Variants in KHDRBS1 observed in about 807,000 individuals in gnomAD.
The protein encoded by KHDRBS1 is KH domain-containing, RNA-binding, signal transduction-associated protein 1.
A neutral mutation model predicts 48.4 loss-of-function variants in KHDRBS1; 7 were observed. The observed-to-expected ratio is 0.14, with a 90% CI of 0.08 to 0.27. The LOEUF (loss-of-function observed/expected upper bound fraction) is 0.27, where lower values mean the gene tolerates loss of function less well. Ranked by LOEUF, KHDRBS1 falls within the 10% of genes least tolerant of loss-of-function variation. The pLI is 1.00. For synonymous variants in KHDRBS1, 241 were observed against 235.8 expected (o/e 1.02, Z -0.20); for missense variants, 458 against 601.2 (o/e 0.76, Z 2.49).
intron 4 of KHDRBS1, among the ~76,000 whole-genome samples, chr1:32,035,735 T>A (rs1639165297): frequency 6.6e-6 from 1 of 152,226 alleles, no homozygotes; most frequent in Admixed American, 6.5e-5. Flanking sequence ...CTTAAGTATC[T>A]GTCAGATGTC....
chr1:32,040,168 CTT>C (rs768992264), intron 8 of KHDRBS1, among the ~76,000 whole-genome samples: 3 of 152,254 alleles, frequency 2.0e-5, no homozygotes, highest in East Asian at 3.9e-4. Flanking sequence ...AATCCCAACA[CTT>C]TGCGAGGCCG....
At chr1:32,041,491 C>T (rs1178919011) in intron 8 of KHDRBS1, among the ~76,000 whole-genome samples, 1 of 151,890 alleles carries the variant, frequency 6.6e-6, no homozygotes, top group Admixed American at 6.6e-5. Flanking sequence ...TTTTCCCTGT[C>T]ACAAAGGAGA....
intron 1 of KHDRBS1, among the ~76,000 whole-genome samples, chr1:32,029,873 T>C (rs1010408292): frequency 2.0e-5 from 3 of 152,230 alleles, no homozygotes; most frequent in African/African-American, 7.2e-5. Context: ...AGAGTACTAA[T>C]GTCACCGTGG....
chr1:32,041,235 A>G lies in KHDRBS1; in HGVS notation c.1235-1292A>G, dbSNP rs61633377. Among the ~76,000 whole-genome samples the G allele has an allele frequency of 3.7e-3, 566 of 152,324 alleles. 7 individuals carry two copies. The highest frequency in any genetic ancestry group is 0.013 in the African/African-American group (555 of 41,572). ...AAAAGAAACTGTCTTGTTGATACCC[A>G]GAAGCCACTTGGAAAGTGATGGACA... On this transcript the variant is annotated intron_variant, in intron 8 of 8. Coordinates refer to ENST00000327300, the MANE Select transcript of KHDRBS1 (RefSeq NM_006559.3).
At chr1:32,022,592 A>T (rs938812487) in intron 1 of KHDRBS1, among the ~76,000 whole-genome samples, 16 of 152,226 alleles carry the variant, frequency 1.1e-4, no homozygotes, top group African/African-American at 3.9e-4. Context: ...TATGCAGGCC[A>T]TATCAAACGT....
chr1:32,019,423 G>A (rs1638811341), intron 1 of KHDRBS1, among the ~76,000 whole-genome samples: 1 of 152,110 alleles, frequency 6.6e-6, no homozygotes, highest in Non-Finnish European at 1.5e-5. Context: ...GGTGGCAGGT[G>A]CCTGTAATGC....
intron 10 of KHDRBS1, chr1:32,052,234 T>C (rs1305942560): frequency 1.3e-5 from 2 of 152,156 alleles, no homozygotes; most frequent in Admixed American, 6.5e-5. Flanking sequence ...GCAAAGTCTA[T>C]TCTCTGTGCT....
chr1:32,025,581 A>G (rs1054299372), intron 1 of KHDRBS1, among the ~76,000 whole-genome samples: 2 of 150,320 alleles, frequency 1.3e-5, no homozygotes, highest in Admixed American at 6.7e-5. Flanking sequence ...AATTACAGGC[A>G]TGAGCCACAG....
intron 10 of KHDRBS1, among the ~76,000 whole-genome samples, chr1:32,057,734 G>A (rs569371487): frequency 6.6e-6 from 1 of 151,446 alleles, no homozygotes; most frequent in South Asian, 2.1e-4. Context: ...GGGAGGCAGA[G>A]CTTGCAGTGA....
At position 32,014,037 on chromosome 1, in the gene KHDRBS1, T is replaced by G. The variant is rs752713376; in HGVS notation, c.42T>G (p.Ser14=). ...ACCCCGCCGCGCGCATGAGCCGGTC[T>G]TCGGGCCGTAGCGGCTCCATGGACC... ...RDDPAARMSR[S]SGRSGSMDPS... The change falls in exon 1 of 9, where the codon TCT becomes TCG. Residue 14 remains serine (S), a synonymous_variant. Coordinates refer to ENST00000327300, the MANE Select transcript of KHDRBS1 (RefSeq NM_006559.3). 3 of 1,525,050 alleles carry G rather than the reference T, an allele frequency of 2.0e-6. No individual in the cohort carries two copies. In the African/African-American group the frequency reaches 4.3e-5, roughly 22 times the overall value. The allele number at this position is 1,525,050 out of a possible 1,614,324, so 94.5% of individuals were successfully genotyped here.
chr1:32,021,832 G>A (rs890827840), intron 1 of KHDRBS1, among the ~76,000 whole-genome samples: 2 of 151,948 alleles, frequency 1.3e-5, no homozygotes, highest in African/African-American at 2.4e-5. Context: ...TGTATTTTTA[G>A]TAGAGACAAG....
chr1:32,051,910 T>A (rs1299705466), intron 10 of KHDRBS1, among the ~76,000 whole-genome samples: 7 of 152,214 alleles, frequency 4.6e-5, no homozygotes, highest in Non-Finnish European at 8.8e-5. Flanking sequence ...TCTTGATATG[T>A]TCCTGTACTT....
intron 10 of KHDRBS1, among the ~76,000 whole-genome samples, chr1:32,055,034 T>C (rs1639464375): frequency 6.6e-6 from 1 of 152,184 alleles, no homozygotes; most frequent in African/African-American, 2.4e-5. Flanking sequence ...CCTCCTTAGC[T>C]GCCTGCTGGT....
At chr1:32,044,746 C>G (rs1035504301), downstream of KHDRBS1, among the ~76,000 whole-genome samples, 1 of 152,108 alleles carries the variant, frequency 6.6e-6, no homozygotes, top group Non-Finnish European at 1.5e-5. Flanking sequence ...TCACTCTATA[C>G]CCCCCTTTTT....
chr1:32,018,906 A>G (rs959854177), intron 1 of KHDRBS1, among the ~76,000 whole-genome samples: 1 of 152,108 alleles, frequency 6.6e-6, no homozygotes, highest in African/African-American at 2.4e-5. Context: ...CCCTGTCTCT[A>G]CTAAAAATAC....
chr1:32,051,472 G>A (rs1639421352), intron 10 of KHDRBS1, among the ~76,000 whole-genome samples: 1 of 152,154 alleles, frequency 6.6e-6, no homozygotes, highest in Admixed American at 6.5e-5. Context: ...CCCAAGAATG[G>A]GTGACTACAA....
intron 1 of KHDRBS1, among the ~76,000 whole-genome samples, chr1:32,025,979 G>C (rs1638962821): frequency 6.6e-6 from 1 of 150,694 alleles, no homozygotes; most frequent in Non-Finnish European, 1.5e-5. Context: ...GGGTCTCGCT[G>C]TGTTGCCCAA....
At chr1:32,035,252 G>T (rs556996639) in intron 4 of KHDRBS1, among the ~76,000 whole-genome samples, 1 of 152,098 alleles carries the variant, frequency 6.6e-6, no homozygotes, top group South Asian at 2.1e-4. Context: ...CCGGGGAGAT[G>T]TGGGTTTCCT....
chr1:32,035,346 C>T (rs758980050), intron 4 of KHDRBS1, among the ~76,000 whole-genome samples: 8 of 151,958 alleles, frequency 5.3e-5, no homozygotes, highest in Non-Finnish European at 7.4e-5. Context: ...TCTCAAGCAG[C>T]GGTAATGTGT....
Sources: gnomAD v4.1 joint callset for allele counts (sites outside exome capture counted in the v4.1 genomes callset) on GRCh38, gnomAD v4.1.1 for gene constraint, MANE v1.5 for transcripts, NCBI Gene and HGNC (gene_info 2026-07-23, HGNC 2026-07-21) for gene names.